THSD4: variants seen among roughly 807,000 people sequenced by gnomAD.
THSD4 encodes the protein thrombospondin type 1 domain containing 4.
A neutral mutation model predicts 119.0 loss-of-function variants in THSD4; 69 were observed. The observed-to-expected ratio is 0.58, with a 90% CI of 0.48 to 0.71. The LOEUF is 0.71. Among genes scored for constraint, THSD4 ranks in the 30% least tolerant of loss-of-function variants. The pLI is 0.00. For missense variants in THSD4, 1,393 were observed against 1,391.1 expected (o/e 1.00, Z -0.02); for synonymous variants, 524 against 540.4 (o/e 0.97, Z 0.42).
intron 6 of THSD4, among the ~76,000 whole-genome samples, chr15:71,346,872 T>C (rs900377868): frequency 9.8e-5 from 13 of 132,524 alleles, no homozygotes; most frequent in African/African-American, 3.4e-4. Flanking sequence ...CATTTTCTTT[T>C]TTTTTTTTTT....
chr15:71,193,122 G>A (rs750266254), intron 3 of THSD4, among the ~76,000 whole-genome samples: 3 of 152,098 alleles, frequency 2.0e-5, no homozygotes, highest in Admixed American at 6.5e-5. Flanking sequence ...CTTCATTCCT[G>A]CTTTTGATCA....
At chr15:71,207,216 C>T in intron 3 of THSD4, among the ~76,000 whole-genome samples, 1 of 152,186 alleles carries the variant, frequency 6.6e-6, no homozygotes, top group East Asian at 1.9e-4. Flanking sequence ...CTGATAATTA[C>T]CTCTCCTGTT....
intron 7 of THSD4, among the ~76,000 whole-genome samples, chr15:71,563,537 A>G (rs1470038484): frequency 6.6e-6 from 1 of 152,228 alleles, no homozygotes; most frequent in African/African-American, 2.4e-5. Context: ...AAATCCGGAT[A>G]CACATCATAA....
chr15:71,239,731 A>G (rs1478063067), intron 4 of THSD4, among the ~76,000 whole-genome samples: 2 of 152,182 alleles, frequency 1.3e-5, no homozygotes, highest in Non-Finnish European at 2.9e-5. Flanking sequence ...TCGCCTCGCC[A>G]CATCTGTACT....
chr15:71,659,956 CTGCTCTGGGAAAAG>C (rs1420334739), intron 7 of THSD4, among the ~76,000 whole-genome samples: 3 of 152,118 alleles, frequency 2.0e-5, no homozygotes, highest in African/African-American at 7.2e-5. Context: ...CTTCATCCTT[CTGCTCTGGGAAAAG>C]TGCTCTGGGG....
intron 6 of THSD4, among the ~76,000 whole-genome samples, chr15:71,368,642 A>AT (rs1436521020): frequency 6.6e-6 from 1 of 152,120 alleles, no homozygotes; most frequent in African/African-American, 2.4e-5. Flanking sequence ...CCATTGGTCT[A>AT]TATCTCTGTT....
In THSD4 at chr15:71,532,571, T is replaced by C. The variant is rs1489065982; in HGVS notation, c.1152+120748T>C. On this transcript the variant is annotated intron_variant, in intron 7 of 17. Transcript: ENST00000261862. Reference sequence around the variant, plus strand: ...ACCTCGCAATCTGCCCGCCTTGGCCTCTCAAACTGCTGGGATTACAGGTGT... The same window carrying C: ...ACCTCGCAATCTGCCCGCCTTGGCCCCTCAAACTGCTGGGATTACAGGTGT... Among the ~76,000 whole-genome samples the C allele has an allele frequency of 3.9e-5, 6 of 151,982 alleles. No homozygotes were observed. The East Asian group carries it at 1.2e-3, about 29-fold the overall frequency.
chr15:71,148,360 G>A (rs1424504520), intron 2 of THSD4, among the ~76,000 whole-genome samples: 1 of 152,232 alleles, frequency 6.6e-6, no homozygotes, highest in African/African-American at 2.4e-5. Flanking sequence ...TAGGTGTCTG[G>A]AGTTCTCAAG....
At chr15:71,210,696 G>A (rs1434009046) in intron 3 of THSD4, among the ~76,000 whole-genome samples, 5 of 152,056 alleles carry the variant, frequency 3.3e-5, no homozygotes, top group Admixed American at 3.3e-4. Flanking sequence ...CTTAAAGAGT[G>A]ATATCAACAA....
chr15:71,761,973 T>G (rs570050606), intron 15 of THSD4, among the ~76,000 whole-genome samples: 1 of 152,316 alleles, frequency 6.6e-6, no homozygotes, highest in East Asian at 1.9e-4. Context: ...ACCACCAATA[T>G]AGCCTGAAGC....
At chr15:71,113,836 TAAAATG>T (rs1404504033), upstream of THSD4, 5 of 152,244 alleles carry the variant, frequency 3.3e-5, no homozygotes, top group African/African-American at 1.2e-4. Context: ...AAAATTATGG[TAAAATG>T]TACATAACAT....
chr15:71,538,061 A>G (rs893646172), intron 7 of THSD4, among the ~76,000 whole-genome samples: 1 of 152,080 alleles, frequency 6.6e-6, no homozygotes, highest in African/African-American at 2.4e-5. Context: ...TGCCCAGCCT[A>G]TTTGTCTTTT....
intron 7 of THSD4, among the ~76,000 whole-genome samples, chr15:71,564,966 A>G (rs1036000334): frequency 8.5e-5 from 13 of 152,116 alleles, no homozygotes; most frequent in African/African-American, 9.7e-5. Flanking sequence ...AAGACTATCA[A>G]TAGTATCACA....
chr15:71,394,666 T>C (rs2046422960), intron 6 of THSD4, among the ~76,000 whole-genome samples: 1 of 152,196 alleles, frequency 6.6e-6, no homozygotes, highest in African/African-American at 2.4e-5. Flanking sequence ...TTCACAGAGC[T>C]AACTCCTACT....
chr15:71,536,803 G>A (rs1003348711), intron 7 of THSD4, among the ~76,000 whole-genome samples: 2 of 152,120 alleles, frequency 1.3e-5, no homozygotes, highest in African/African-American at 2.4e-5. Flanking sequence ...TAATTTGTGT[G>A]TGTATGTGGG....
chr15:71,775,445 C>T (rs1477467821), intron 17 of THSD4, among the ~76,000 whole-genome samples: 1 of 152,166 alleles, frequency 6.6e-6, no homozygotes, highest in Non-Finnish European at 1.5e-5. Flanking sequence ...TGTGGTGGCT[C>T]ACGCCTGTAA....
In THSD4 at chr15:71,779,510, T is replaced by C. The variant is rs2053965991; in HGVS notation, c.*2136T>C. The C allele has an allele frequency of 6.6e-6, 1 of 152,198 alleles. No individual in the cohort carries two copies. Among genetic ancestry groups the C allele is most frequent in the Admixed American group, 6.5e-5 (1 of 15,272 alleles). The allele number at this position is 152,198 out of a possible 1,614,324, so 9.4% of individuals were successfully genotyped here. On this transcript the variant is annotated 3_prime_UTR_variant, in exon 18 of 18. Coordinates refer to ENST00000261862, the MANE Select transcript of THSD4 (RefSeq NM_024817.3). ...AGAGAAAGGCTGTTTTAGCTCAAGT[T>C]AAAGGAACACCTTCTAGCCATCAAA...
chr15:71,133,641 A>G (rs1046902086), intron 1 of THSD4, among the ~76,000 whole-genome samples: 4 of 152,216 alleles, frequency 2.6e-5, no homozygotes, highest in Non-Finnish European at 4.4e-5. Context: ...CTAGGGAAGA[A>G]AAGCGCTCTT....
At chr15:71,511,326 G>A (rs974938455) in intron 7 of THSD4, among the ~76,000 whole-genome samples, 13 of 152,216 alleles carry the variant, frequency 8.5e-5, no homozygotes, top group Middle Eastern at 3.4e-3. Flanking sequence ...TGGTTTAGGG[G>A]CCTGAAGAAG....
Sources: gnomAD v4.1 joint callset for allele counts (sites outside exome capture counted in the v4.1 genomes callset) on GRCh38, gnomAD v4.1.1 for gene constraint, MANE v1.5 for transcripts, NCBI Gene and HGNC (gene_info 2026-07-23, HGNC 2026-07-21) for gene names.